UBR4: variants seen among roughly 807,000 people sequenced by gnomAD.
The protein encoded by UBR4 is E3 ubiquitin-protein ligase UBR4.
In UBR4, 124 loss-of-function variants were observed where a neutral mutation model predicts 575.6. The observed-to-expected ratio is 0.22, with a 90% CI of 0.19 to 0.25. UBR4 has a LOEUF of 0.25. Ranked by LOEUF, UBR4 falls within the 10% of genes least tolerant of loss-of-function variation. The probability of loss-of-function intolerance (pLI) is 1.00; values close to 1 mark genes in which losing one functional copy is unlikely to be tolerated. For missense variants in UBR4, 4,818 were observed against 6,478.8 expected (o/e 0.74, Z 8.80); for synonymous variants, 2,455 against 2,473.7 (o/e 0.99, Z 0.22).
intron 8 of UBR4, among the ~76,000 whole-genome samples, chr1:19,196,746 T>C (rs2092476570): frequency 6.6e-6 from 1 of 152,240 alleles, no homozygotes. Flanking sequence ...AAATATTCTA[T>C]ACTTCTATTG....
chr1:19,160,294 G>T lies in UBR4; in HGVS notation c.5407-13C>A. ...AGGAGAAATTGGCCTGAGAAAAATAGAAAAAATACACCAGTGAAAAAAAAA... is the reference window on the plus strand; with the variant it reads ...AGGAGAAATTGGCCTGAGAAAAATATAAAAAATACACCAGTGAAAAAAAAA... On this transcript the variant is annotated splice_polypyrimidine_tract_variant and intron_variant, in intron 38 of 105. Coordinates refer to ENST00000375254, the MANE Select transcript of UBR4 (RefSeq NM_020765.3). 4.2e-6 allele frequency: 6 copies of T among 1,423,292 alleles called. No individual in the cohort carries two copies. The highest frequency in any genetic ancestry group is 1.6e-5 in the African/African-American group (1 of 63,850). 88.2% of individuals were successfully genotyped at this position (1,423,292 alleles called of 1,614,324 possible).
Position 19,179,184 on chromosome 1 carries a change from A to C in UBR4, c.2221T>G (p.Ser741Ala). 6.3e-7 allele frequency: 1 copy of C among 1,589,150 alleles called. No homozygotes were observed. The highest frequency in any genetic ancestry group is 1.1e-5 in the South Asian group (1 of 87,134). ...LLQQLGVAPF[S>A]EGPWPLYIHP... ...ATGTACAAGGGCCAAGGGCCCTCAG[A>C]AAAAGGAGCCACTCCTAGCTGCTGC... The change falls in exon 18 of 106, where the codon TCT (serine) becomes GCT (alanine). Residue 741 changes from serine to alanine, a missense_variant. By Grantham distance (99) the Ser-to-Ala change is moderately conservative. This residue lies in a region of UBR4 where 1,172 missense variants were observed against 1,259.7 expected (regional missense o/e 0.93). Coordinates refer to ENST00000375254, the MANE Select transcript of UBR4 (RefSeq NM_020765.3).
At chr1:19,105,935 A>C (rs2079142183) in intron 83 of UBR4, 93 bp from the exon 84 acceptor site, 1 of 886,554 alleles carries the variant, frequency 1.1e-6, no homozygotes, top group Non-Finnish European at 1.7e-6. Context: ...CCCATCTAGG[A>C]GAGGTCTTCT....
At chr1:19,137,713 T>C (rs1006694517) in intron 60 of UBR4, among the ~76,000 whole-genome samples, 1 of 152,166 alleles carries the variant, frequency 6.6e-6, no homozygotes, top group Admixed American at 6.5e-5. Flanking sequence ...ACTGGAAAGA[T>C]TTGAGTAAGG....
rs1016077101 is a variant in UBR4 at position 19,100,958 on chromosome 1, C to A, written c.13024-385G>T. On this transcript the variant is annotated intron_variant, in intron 88 of 105. Transcript: ENST00000375254. This position sits in a 1 kb window ranked among gnomAD's most constrained non-coding sequence, Gnocchi z 4.2. ...CCAGAGGACTTTGTCACTGATGACCCTGAAGTCAAGAAAAGGGCTTCTCTA... is the reference window on the plus strand; with the variant it reads ...CCAGAGGACTTTGTCACTGATGACCATGAAGTCAAGAAAAGGGCTTCTCTA... Among the ~76,000 whole-genome samples, 1 of 152,036 alleles carries A rather than the reference C, an allele frequency of 6.6e-6. No individual in the cohort carries two copies. The highest frequency in any genetic ancestry group is 6.6e-5 in the Admixed American group (1 of 15,254).
At chr1:19,131,655 T>A (rs1444497216) in intron 60 of UBR4, among the ~76,000 whole-genome samples, 1 of 152,088 alleles carries the variant, frequency 6.6e-6, no homozygotes, top group East Asian at 1.9e-4. Flanking sequence ...GGGCAGATCA[T>A]CTGAGGTCAA....
intron 54 of UBR4, 40 bp from the exon 55 acceptor site, chr1:19,144,131 T>C (rs915023816): frequency 1.3e-6 from 2 of 1,570,792 alleles, no homozygotes; most frequent in African/African-American, 2.7e-5. Flanking sequence ...TGCTCTCATA[T>C]TATTCATGAA....
chr1:19,187,316 A>G lies in UBR4; in HGVS notation c.1495-15T>C. On this transcript the variant is annotated splice_polypyrimidine_tract_variant and intron_variant, in intron 12 of 105. Coordinates refer to ENST00000375254, the MANE Select transcript of UBR4 (RefSeq NM_020765.3). ...GTCTCCCAACCCTGAAGGCAATGATATCAAAGGGCAATTAATGATACTACT... is the reference window on the plus strand; with the variant it reads ...GTCTCCCAACCCTGAAGGCAATGATGTCAAAGGGCAATTAATGATACTACT... The G allele has an allele frequency of 1.9e-6, 3 of 1,611,604 alleles. No homozygotes were observed. The highest frequency in any genetic ancestry group is 2.5e-6 in the Non-Finnish European group (3 of 1,178,110).
At chr1:19,186,491 G>C in intron 14 of UBR4, 49 bp downstream of exon 14, 1 of 1,551,716 alleles carries the variant, frequency 6.4e-7, no homozygotes, top group South Asian at 1.1e-5. Context: ...GAACACTCCT[G>C]TTGCACTCTA....
chr1:19,168,056 T>C lies in UBR4; in HGVS notation c.3870A>G (p.Ser1290=). The C allele has an allele frequency of 6.2e-7, 1 of 1,613,204 alleles. No individual in the cohort carries two copies. The highest frequency in any genetic ancestry group is 1.1e-5 in the South Asian group (1 of 90,990). ...TAAGATCTCCAGTCAACCTGACCAG[T>C]GAGAGGAGGGTATGCTTCAGGGAAG... ...LAASLKHTLL[S]LVRLTGDLIV... is the part of the protein sequence containing the mutation. The change falls in exon 28 of 106, where the codon TCA becomes TCG. Residue 1290 remains serine, a synonymous_variant. Transcript: ENST00000375254.
intron 85 of UBR4, 42 bp downstream of exon 85, chr1:19,105,006 G>A (rs780310497): frequency 5.6e-6 from 9 of 1,603,028 alleles, no homozygotes; most frequent in Non-Finnish European, 7.7e-6. Flanking sequence ...GGTACAAGGG[G>A]GAATTAGGGA....
At position 19,141,486 on chromosome 1, in the gene UBR4, G is replaced by A; in HGVS notation, c.8349C>T (p.Asn2783=). 2 of 1,613,048 alleles carry A rather than the reference G, an allele frequency of 1.2e-6. No individual in the cohort carries two copies. Among genetic ancestry groups the A allele is most frequent in the Non-Finnish European group, 1.7e-6 (2 of 1,179,380 alleles). ...SMVLETAENV[N]NGNPSPLEAL... is the part of the protein sequence containing the mutation. Reference sequence around the variant, plus strand: ...CCTCCAGGGGAGAGGGGTTGCCATTGTTGACATTTTCAGCTGTCTCCAGGA... The same window carrying A: ...CCTCCAGGGGAGAGGGGTTGCCATTATTGACATTTTCAGCTGTCTCCAGGA... The change falls in exon 57 of 106, where the codon AAC becomes AAT. Residue 2783 remains asparagine, a synonymous_variant. Coordinates refer to ENST00000375254, the MANE Select transcript of UBR4 (RefSeq NM_020765.3).
rs2076866347 is a variant in UBR4, at chr1:19,084,956, T to C, written c.14814-258A>G. Among the ~76,000 whole-genome samples, 4 of 152,208 alleles carry C rather than the reference T, an allele frequency of 2.6e-5. No individual in the cohort carries two copies. The South Asian group carries it at 8.3e-4, about 32-fold the overall frequency. On this transcript the variant is annotated intron_variant, in intron 101 of 105. Coordinates refer to ENST00000375254, the MANE Select transcript of UBR4 (RefSeq NM_020765.3). ...AGAGCCCACCACTCTTGGGCGCCCATTTCTTAATGAACTAATGTTGTAGGA... is the reference window on the plus strand; with the variant it reads ...AGAGCCCACCACTCTTGGGCGCCCACTTCTTAATGAACTAATGTTGTAGGA...
chr1:19,162,523 G>C lies in UBR4; in HGVS notation c.4853C>G (p.Pro1618Arg), dbSNP rs756097062. ...NALSQSNGQG[P>R]SHLSVDGEER... Reference sequence around the variant, plus strand: ...TTCCCCATCCACTGAGAGATGACTTGGGCCTTGACCATTACTCTGGCTCAG... The same window carrying C: ...TTCCCCATCCACTGAGAGATGACTTCGGCCTTGACCATTACTCTGGCTCAG... The change falls in exon 35 of 106, where the codon CCA becomes CGA. Residue 1618 changes from proline to arginine, a missense_variant. Pro to Arg is a moderately radical substitution (Grantham distance 103). This residue lies in a region of UBR4 where 1,172 missense variants were observed against 1,259.7 expected (regional missense o/e 0.93). Transcript: ENST00000375254. 1.2e-6 allele frequency: 2 copies of C among 1,614,152 alleles called. No individual in the cohort carries two copies. Among genetic ancestry groups the C allele is most frequent in the East Asian group, 4.5e-5 (2 of 44,878 alleles).
intron 48 of UBR4, 58 bp downstream of exon 48, chr1:19,151,585 G>C: frequency 6.3e-7 from 1 of 1,576,116 alleles, no homozygotes; most frequent in South Asian, 1.1e-5. Context: ...CAGGCCAGTG[G>C]CTCCCAATTT....
chr1:19,174,025 G>C (rs113281528), intron 22 of UBR4, among the ~76,000 whole-genome samples: 1 of 152,126 alleles, frequency 6.6e-6, no homozygotes, highest in Non-Finnish European at 1.5e-5. Flanking sequence ...AATCTCAAGC[G>C]TGAGGCTTTC....
In UBR4 at chr1:19,141,711, C is replaced by T. The variant is rs761197948; in HGVS notation, c.8246G>A (p.Gly2749Asp). The T allele has an allele frequency of 1.2e-5, 19 of 1,614,128 alleles. No individual in the cohort carries two copies. In the South Asian group the frequency reaches 2.1e-4, roughly 18 times the overall value. The stretch of plus-strand genomic sequence containing the variant: ...CTGGCTTTCCTGACGGATGTGACCA[C>T]CATTCGGGATCCCTGATGACTGCAT... ...EKMQSSGIPN[G>D]GHIRQESQEQ... The change falls in exon 56 of 106, where the codon GGT becomes GAT. Residue 2749 changes from glycine (G) to aspartate (D), a missense_variant. By Grantham distance (94) the Gly-to-Asp change is moderately conservative. This residue lies in a region of UBR4 where 129 missense variants were observed against 198.4 expected (regional missense o/e 0.65). Transcript: ENST00000375254.
chr1:19,131,557 T>C (rs1347598517), intron 60 of UBR4, among the ~76,000 whole-genome samples: 2 of 152,240 alleles, frequency 1.3e-5, no homozygotes, highest in Admixed American at 6.5e-5. Flanking sequence ...GAAGCAGTGA[T>C]GAGTCTCAAG....
At position 19,124,694 on chromosome 1, in the gene UBR4, G is replaced by A; in HGVS notation, c.9439-4C>T. The A allele has an allele frequency of 6.2e-7, 1 of 1,605,298 alleles. No individual in the cohort carries two copies. On this transcript the variant is annotated splice_region_variant and splice_polypyrimidine_tract_variant and intron_variant, in intron 64 of 105. Coordinates refer to ENST00000375254, the MANE Select transcript of UBR4 (RefSeq NM_020765.3). ...CAAACACATCAGCAGCATGACCCTG[G>A]GAGAAGAAAATTTGCATGAGAACCT...
Sources: gnomAD v4.1 joint callset for allele counts (sites outside exome capture counted in the v4.1 genomes callset) on GRCh38, gnomAD v4.1.1 for gene constraint, gnomAD v4.1.1 regional missense constraint, Gnocchi (gnomAD v3.1) non-coding constraint, MANE v1.5 for transcripts, NCBI Gene and HGNC (gene_info 2026-07-23, HGNC 2026-07-21) for gene names.